Variants in LTBP1 observed in about 807,000 individuals in gnomAD.
The protein encoded by LTBP1 is latent transforming growth factor beta binding protein 1, also known as latent-transforming growth factor beta-binding protein 1.
A neutral mutation model predicts 207.6 loss-of-function variants in LTBP1; 129 were observed. That is an observed-to-expected ratio of 0.62 (90% confidence interval 0.54 to 0.72). The LOEUF (loss-of-function observed/expected upper bound fraction) is 0.72, where lower values mean the gene tolerates loss of function less well. LTBP1 is among the 30% of genes least tolerant of loss of function. The probability of loss-of-function intolerance (pLI) is 0.00; values close to 1 mark genes in which losing one functional copy is unlikely to be tolerated. For missense variants in LTBP1, 2,281 were observed against 2,217.2 expected (o/e 1.03, Z -0.58); for synonymous variants, 963 against 833.7 (o/e 1.16, Z -2.67).
chr2:33,293,236 A>C lies in LTBP1; in HGVS notation c.3189A>C (p.Ser1063=). Residue 1063 remains serine, a synonymous_variant, in exon 20 of 34, where the codon TCA becomes TCC. Coordinates refer to ENST00000404816, the MANE Select transcript of LTBP1 (RefSeq NM_206943.4). ...CSNLEGSYMC[S]CHKGYTRTPD... is the part of the protein sequence containing the mutation. ...ACCTTGAAGGCTCCTACATGTGTTC[A>C]TGCCACAAAGGCTATACCCGGACTC... The C allele has an allele frequency of 1.2e-6, 2 of 1,614,156 alleles. No homozygotes were observed. The highest frequency in any genetic ancestry group is 1.7e-6 in the Non-Finnish European group (2 of 1,179,998).
At chr2:33,139,843 T>G (rs2082498029) in intron 5 of LTBP1, among the ~76,000 whole-genome samples, 1 of 152,118 alleles carries the variant, frequency 6.6e-6, no homozygotes, top group African/African-American at 2.4e-5. Flanking sequence ...GTGGGACACA[T>G]GAAAGGTAAT....
intron 7 of LTBP1, among the ~76,000 whole-genome samples, chr2:33,198,269 G>A (rs1386945976): frequency 8.5e-5 from 13 of 152,268 alleles, no homozygotes; most frequent in Admixed American, 2.0e-4. Flanking sequence ...TGGTGGATAA[G>A]CTTTTTGATG....
At chr2:33,395,622 T>G (rs1465558381) in intron 32 of LTBP1, among the ~76,000 whole-genome samples, 1 of 152,170 alleles carries the variant, frequency 6.6e-6, no homozygotes, top group African/African-American at 2.4e-5. Flanking sequence ...CAAATTTGTC[T>G]TCATGTTGAC....
intron 4 of LTBP1, among the ~76,000 whole-genome samples, chr2:33,129,510 A>G (rs1261345133): frequency 6.6e-6 from 1 of 152,238 alleles, no homozygotes; most frequent in East Asian, 1.9e-4. Flanking sequence ...ATGTGTCAAG[A>G]TGATTCTTGC....
chr2:33,230,193 G>T (rs1558853023), intron 9 of LTBP1, among the ~76,000 whole-genome samples: 1 of 152,100 alleles, frequency 6.6e-6, no homozygotes, highest in Non-Finnish European at 1.5e-5. Flanking sequence ...TGTCTTCTCA[G>T]TTTACAAAGC....
At chr2:32,964,120 G>A (rs1158050564) in intron 2 of LTBP1, among the ~76,000 whole-genome samples, 1 of 152,222 alleles carries the variant, frequency 6.6e-6, no homozygotes, top group African/African-American at 2.4e-5. Context: ...AGACAGGGCT[G>A]TGCTGCCCAG....
chr2:33,003,839 CA>C (rs11315956), intron 2 of LTBP1, among the ~76,000 whole-genome samples: 10,263 of 152,216 alleles, frequency 0.067, 393 homozygotes, highest in Middle Eastern at 0.099. Context: ...AAAACCTCTG[CA>C]AAAACCACAA....
At chr2:32,965,267 A>G (rs1232018043) in intron 2 of LTBP1, among the ~76,000 whole-genome samples, 1 of 152,124 alleles carries the variant, frequency 6.6e-6, no homozygotes. Flanking sequence ...TTGACCCCAC[A>G]TACACACAAC....
chr2:33,016,530 A>G (rs1688401984), intron 2 of LTBP1, among the ~76,000 whole-genome samples: 1 of 152,046 alleles, frequency 6.6e-6, no homozygotes, highest in Admixed American at 6.6e-5. Context: ...GTTTGGAGTT[A>G]GGCCTGGGTT....
intron 6 of LTBP1, among the ~76,000 whole-genome samples, chr2:33,187,746 T>C (rs2087363743): frequency 1.3e-5 from 2 of 152,194 alleles, no homozygotes; most frequent in African/African-American, 4.8e-5. Context: ...TATAAAATAA[T>C]GCACTTTGGT....
chr2:33,230,072 C>G (rs1217368104), intron 9 of LTBP1, among the ~76,000 whole-genome samples: 1 of 152,168 alleles, frequency 6.6e-6, no homozygotes, highest in African/African-American at 2.4e-5. Flanking sequence ...TATGTACATT[C>G]AGTTTTCCTA....
chr2:33,376,350 C>A lies in LTBP1; in HGVS notation c.4711+10847C>A, dbSNP rs570751824. ...GTACAATAACAAGAAAAAGCCCTCA[C>A]CCTAAGACGTGTCACAGAAAGTGTT... On this transcript the variant is annotated intron_variant, in intron 31 of 33. Transcript: ENST00000404816. Among the ~76,000 whole-genome samples, 46 of 152,306 alleles carry A rather than the reference C, an allele frequency of 3.0e-4. 1 individual carries two copies. The South Asian group carries it at 7.1e-3, about 23-fold the overall frequency.
Position 33,024,963 on chromosome 2 carries a change from C to T in LTBP1, c.863+3757C>T, listed in dbSNP as rs542911962. Among the ~76,000 whole-genome samples the T allele has an allele frequency of 1.6e-3, 249 of 152,352 alleles. 8 individuals carry two copies. In the South Asian group the frequency reaches 0.036, roughly 22 times the overall value. On this transcript the variant is annotated intron_variant, in intron 3 of 33. Transcript: ENST00000404816. ...ATCCACTGCCAAGATGGCTCACTTT[C>T]ATGGCTGTTGGCAGGAGGCCTTAGC...
At chr2:33,227,290 G>A (rs193201398) in intron 9 of LTBP1, among the ~76,000 whole-genome samples, 13 of 152,206 alleles carry the variant, frequency 8.5e-5, no homozygotes, top group Non-Finnish European at 1.8e-4. Flanking sequence ...ACCTCCAGAA[G>A]TGCTGGGATC....
rs56270553 is a variant in LTBP1, at chr2:33,305,981, C to A, written c.3482-3453C>A. On this transcript the variant is annotated intron_variant, in intron 22 of 33. Coordinates refer to ENST00000404816, the MANE Select transcript of LTBP1 (RefSeq NM_206943.4). ...AGAAAGATGACAGTGATTCACTGTT[C>A]CTGCCCTTAAAACCTTTTACTCTAC... Among the ~76,000 whole-genome samples the A allele has an allele frequency of 3.7e-3, 565 of 152,202 alleles. 3 individuals are homozygous for A. Among genetic ancestry groups the A allele is most frequent in the African/African-American group, 0.012 (518 of 41,548 alleles).
intron 7 of LTBP1, among the ~76,000 whole-genome samples, chr2:33,201,871 T>C (rs1236051186): frequency 6.6e-6 from 1 of 152,210 alleles, no homozygotes; most frequent in African/African-American, 2.4e-5. Flanking sequence ...GGGATTCTGT[T>C]AGAGATGCCA....
At chr2:33,002,682 T>C (rs1401794734) in intron 2 of LTBP1, among the ~76,000 whole-genome samples, 1 of 150,606 alleles carries the variant, frequency 6.6e-6, no homozygotes, top group Admixed American at 6.6e-5. Context: ...TGTTTTGTTT[T>C]CTTTTTTTTT....
chr2:32,961,258 C>G (rs1679061047), intron 2 of LTBP1, among the ~76,000 whole-genome samples: 1 of 152,140 alleles, frequency 6.6e-6, no homozygotes, highest in Admixed American at 6.5e-5. Context: ...ACCTCCGGGT[C>G]TCTGCCGAGC....
chr2:33,197,783 T>C (rs576420692), intron 7 of LTBP1, among the ~76,000 whole-genome samples: 1 of 152,260 alleles, frequency 6.6e-6, no homozygotes, highest in South Asian at 2.1e-4. Context: ...GGGTCCAGCT[T>C]CCATGCTGAA....
Sources: allele counts gnomAD v4.1 joint callset (sites outside exome capture counted in the v4.1 genomes callset), GRCh38; gene constraint gnomAD v4.1.1; transcripts MANE v1.5; gene names NCBI Gene and HGNC (gene_info 2026-07-23, HGNC 2026-07-21).